Variants in USP28 observed in about 807,000 individuals in gnomAD.
The protein encoded by USP28 is ubiquitin specific peptidase 28.
Under a neutral mutation model 145.0 loss-of-function variants are expected in USP28, and 113 were observed. The observed-to-expected ratio is 0.78, with a 90% CI of 0.67 to 0.91. The LOEUF is 0.91. Among genes scored for constraint, USP28 ranks in the 40% least tolerant of loss-of-function variants. The pLI, the probability that USP28 is intolerant of heterozygous loss-of-function variation, is 0.00. For missense variants in USP28, 1,201 were observed against 1,289.6 expected (o/e 0.93, Z 1.05); for synonymous variants, 447 against 450.9 (o/e 0.99, Z 0.11).
chr11:113,849,954 C>G (rs1293340089), intron 3 of USP28, among the ~76,000 whole-genome samples: 1 of 152,072 alleles, frequency 6.6e-6, no homozygotes, highest in Non-Finnish European at 1.5e-5. Context: ...ACAATAGAAC[C>G]ATTTAAAAAT....
chr11:113,826,336 CA>C (rs1565394815), intron 11 of USP28, among the ~76,000 whole-genome samples: 46 of 115,220 alleles, frequency 4.0e-4, no homozygotes, highest in African/African-American at 1.4e-3. Context: ...CCACCACACC[CA>C]TTTTTTTTTT....
Position 113,840,597 on chromosome 11 carries a change from C to T in USP28, c.534+1G>A, listed in dbSNP as rs1292428210. On this transcript the variant is annotated splice_donor_variant, in intron 5 of 24. Coordinates refer to ENST00000003302, the Ensembl canonical transcript of USP28. LOFTEE classifies it high-confidence loss of function. ...ACAGTTATCTCTTAAAAATATCATA[C>T]CTGAATAACAGCACTAAACCAACAT... 3 of 1,610,268 alleles carry T rather than the reference C, an allele frequency of 1.9e-6. No individual in the cohort carries two copies. The highest frequency in any genetic ancestry group is 1.7e-5 in the Admixed American group (1 of 59,600).
At chr11:113,805,139 C>A in intron 19 of USP28, 93 bp from the exon 21 acceptor site, 1 of 1,122,080 alleles carries the variant, frequency 8.9e-7, no homozygotes, top group Non-Finnish European at 1.2e-6. Context: ...TCTCTTGACT[C>A]TAAAAAGACT....
At chr11:113,827,126 C>A in intron 11 of USP28, 107 bp downstream of exon 11, 1 of 1,361,060 alleles carries the variant, frequency 7.3e-7, no homozygotes, top group Non-Finnish European at 9.9e-7. Context: ...TCCAAATTTG[C>A]ATATTATCAT....
At chr11:113,799,342 T>C (rs1565308017) in exon 25 of USP28, 2 of 1,614,222 alleles carry the variant, frequency 1.2e-6, no homozygotes, top group Non-Finnish European at 1.7e-6. Flanking sequence ...TTGGAGGCTC[T>C]TTCAAGACGA....
intron 8 of USP28, 152 bp downstream of exon 8, chr11:113,831,768 G>A (rs1172645600): frequency 5.4e-6 from 3 of 552,846 alleles, no homozygotes; most frequent in Non-Finnish European, 9.1e-6. Flanking sequence ...GAAGGCGACA[G>A]GGATACATGA....
chr11:113,833,541 A>G (rs1944249810), exon 7 of USP28: 3 of 1,613,608 alleles, frequency 1.9e-6, no homozygotes, highest in Admixed American at 1.7e-5. Context: ...TTGCATAAAC[A>G]TGATATTTCT....
intron 3 of USP28, among the ~76,000 whole-genome samples, chr11:113,846,048 A>T (rs1217047582): frequency 1.3e-5 from 2 of 152,228 alleles, no homozygotes; most frequent in Non-Finnish European, 2.9e-5. Flanking sequence ...TTTGAGGCAT[A>T]CTGTAACATG....
At chr11:113,817,287 G>A (rs1941880521) in intron 13 of USP28, among the ~76,000 whole-genome samples, 1 of 152,144 alleles carries the variant, frequency 6.6e-6, no homozygotes, top group African/African-American at 2.4e-5. Flanking sequence ...ATGTTTCTTA[G>A]TCATGCATAC....
chr11:113,815,781 C>T (rs1447613037), intron 13 of USP28, among the ~76,000 whole-genome samples: 1 of 152,094 alleles, frequency 6.6e-6, no homozygotes, highest in African/African-American at 2.4e-5. Flanking sequence ...CTGGAAGAAT[C>T]AAGGAATCAA....
At chr11:113,864,421 G>C (rs996194438) in intron 1 of USP28, among the ~76,000 whole-genome samples, 2 of 152,184 alleles carry the variant, frequency 1.3e-5, no homozygotes, top group African/African-American at 2.4e-5. Context: ...TGCGGAGACT[G>C]AGAAGTCTCA....
intron 3 of USP28, among the ~76,000 whole-genome samples, chr11:113,851,022 GA>G (rs944622841): frequency 2.6e-5 from 4 of 151,992 alleles, no homozygotes; most frequent in Non-Finnish European, 4.4e-5. Flanking sequence ...AGTTGCTTAG[GA>G]AAAAAATTTT....
chr11:113,829,331 T>C (rs1423604359), exon 10 of USP28: 4 of 1,614,040 alleles, frequency 2.5e-6, no homozygotes, highest in African/African-American at 1.3e-5. Context: ...GTCTCATTGT[T>C]ACAAAAGGGT....
intron 7 of USP28, among the ~76,000 whole-genome samples, chr11:113,832,404 C>A (rs1944102354): frequency 6.6e-6 from 1 of 152,164 alleles, no homozygotes; most frequent in Non-Finnish European, 1.5e-5. Flanking sequence ...CTATTGCGCA[C>A]AGCCTGAAAG....
Position 113,803,802 on chromosome 11 carries a change from C to CT in USP28, c.2733dup (p.Gly912ArgfsTer54). ...TAAAATAAAAGGCCAACATACTTTC[C>CT]TTTTTGATAGAGTTCTAGGCCTGTT... is the stretch of plus-strand genomic sequence containing the variant. On this transcript the variant is annotated frameshift_variant, in exon 22 of 25. Transcript: ENST00000003302. LOFTEE classifies it high-confidence loss of function. The CT allele has an allele frequency of 6.2e-7, 1 of 1,613,294 alleles. No homozygotes were observed. The highest frequency in any genetic ancestry group is 8.5e-7 in the Non-Finnish European group (1 of 1,179,584).
At chr11:113,814,666 G>C (rs778463966) in intron 14 of USP28, among the ~76,000 whole-genome samples, 18 of 151,044 alleles carry the variant, frequency 1.2e-4, no homozygotes, top group African/African-American at 4.5e-4. Context: ...TTGAGGGGGA[G>C]ATCTTTCCAT....
At chr11:113,825,668 A>G (rs986594901) in intron 11 of USP28, among the ~76,000 whole-genome samples, 8 of 152,220 alleles carry the variant, frequency 5.3e-5, no homozygotes, top group African/African-American at 1.9e-4. Flanking sequence ...CAAAGGAGCA[A>G]ATTACTTATA....
chr11:113,863,213 A>G (rs906501416), intron 1 of USP28, among the ~76,000 whole-genome samples: 5 of 152,214 alleles, frequency 3.3e-5, no homozygotes, highest in African/African-American at 1.2e-4. Context: ...GGCAAAATTC[A>G]GTTGTGTTTT....
exon 25 of USP28, chr11:113,798,093 T>G (rs1202597321): frequency 1.3e-5 from 1 of 76,856 alleles, no homozygotes; most frequent in African/African-American, 4.1e-5. Context: ...TTTTTTTTTG[T>G]ACAAACCCAC....
Sources: gnomAD v4.1 joint callset for allele counts (sites outside exome capture counted in the v4.1 genomes callset) on GRCh38, gnomAD v4.1.1 for gene constraint, MANE v1.5 for transcripts, NCBI Gene and HGNC (gene_info 2026-07-23, HGNC 2026-07-21) for gene names.